HVCN1: variants seen among roughly 807,000 people sequenced by gnomAD.
HVCN1 encodes the protein voltage-gated hydrogen channel 1.
Under a neutral mutation model 29.2 loss-of-function variants are expected in HVCN1, and 14 were observed. The observed-to-expected ratio is 0.48, with a 90% CI of 0.32 to 0.75. HVCN1 has a LOEUF of 0.75. Ranked by LOEUF, HVCN1 falls within the 30% of genes least tolerant of loss-of-function variation. The pLI is 0.04. For synonymous variants in HVCN1, 131 were observed against 133.2 expected, an observed-to-expected ratio of 0.98 and a Z score of 0.11; for missense variants, 263 against 341.8, an observed-to-expected ratio of 0.77 and a Z score of 1.82.
intron 5 of HVCN1, among the ~76,000 whole-genome samples, chr12:110,654,168 C>T (rs1022345678): frequency 2.6e-5 from 4 of 152,094 alleles, no homozygotes; most frequent in Admixed American, 6.6e-5. Context: ...AGTGCAGTGT[C>T]GCACGCCTGT....
chr12:110,669,413 A>G (rs1001038688), intron 3 of HVCN1, among the ~76,000 whole-genome samples: 2 of 152,018 alleles, frequency 1.3e-5, no homozygotes, highest in African/African-American at 4.8e-5. Flanking sequence ...TGCCTTCAGG[A>G]TCGAGTCCCA....
At chr12:110,668,634 G>A (rs536756783) in intron 3 of HVCN1, among the ~76,000 whole-genome samples, 4 of 152,210 alleles carry the variant, frequency 2.6e-5, no homozygotes, top group South Asian at 4.1e-4. Flanking sequence ...TGATACAGCC[G>A]CTTTGTGGCT....
intron 2 of HVCN1, chr12:110,688,354 A>G (rs762553817): frequency 6.6e-6 from 1 of 152,170 alleles, no homozygotes; most frequent in Non-Finnish European, 1.5e-5. Flanking sequence ...TCCACTGAGG[A>G]ACTGCTCTCC....
At chr12:110,681,861 C>T (rs1481913944) in intron 3 of HVCN1, among the ~76,000 whole-genome samples, 1 of 152,078 alleles carries the variant, frequency 6.6e-6, no homozygotes, top group Non-Finnish European at 1.5e-5. Flanking sequence ...TCTTCACAAC[C>T]AATGCCCCCC....
At chr12:110,679,466 G>A (rs969139193) in intron 3 of HVCN1, among the ~76,000 whole-genome samples, 3 of 152,170 alleles carry the variant, frequency 2.0e-5, no homozygotes, top group South Asian at 2.1e-4. Context: ...ATGCAGGCTC[G>A]AGCCAGGCAC....
chr12:110,665,850 T>C (rs2068327697), intron 3 of HVCN1, among the ~76,000 whole-genome samples: 1 of 150,566 alleles, frequency 6.6e-6, no homozygotes. Flanking sequence ...CTACTAAAAA[T>C]ACAAAATTAA....
chr12:110,671,495 C>T (rs2068575999), intron 3 of HVCN1, among the ~76,000 whole-genome samples: 1 of 152,216 alleles, frequency 6.6e-6, no homozygotes, highest in South Asian at 2.1e-4. Flanking sequence ...CTGCCAACAC[C>T]TTGATTTTGG....
chr12:110,683,643 C>G (rs1377782783), intron 2 of HVCN1, among the ~76,000 whole-genome samples: 2 of 152,140 alleles, frequency 1.3e-5, no homozygotes, highest in Non-Finnish European at 2.9e-5. Flanking sequence ...GGTGTGGTGG[C>G]TCACACTTGT....
intron 2 of HVCN1, among the ~76,000 whole-genome samples, chr12:110,685,604 T>C (rs1414527274): frequency 6.6e-6 from 1 of 152,184 alleles, no homozygotes; most frequent in Non-Finnish European, 1.5e-5. Context: ...ATCCTACTAG[T>C]GATGGACATT....
chr12:110,652,364 CTGGG>C (rs1439464533), intron 5 of HVCN1, among the ~76,000 whole-genome samples: 3 of 152,174 alleles, frequency 2.0e-5, no homozygotes, highest in Non-Finnish European at 4.4e-5. Flanking sequence ...GCACTCCAGC[CTGGG>C]TGACAAGTGA....
At chr12:110,683,792 T>G (rs1320110500) in intron 2 of HVCN1, among the ~76,000 whole-genome samples, 4 of 151,348 alleles carry the variant, frequency 2.6e-5, no homozygotes, top group Non-Finnish European at 4.4e-5. Flanking sequence ...GGACCTGTAA[T>G]CCCAGCTACT....
At chr12:110,659,040 G>C (rs1250505280) in intron 4 of HVCN1, among the ~76,000 whole-genome samples, 1 of 152,148 alleles carries the variant, frequency 6.6e-6, no homozygotes, top group South Asian at 2.1e-4. Context: ...GAGGGTTTGG[G>C]ATTTCAAACC....
At chr12:110,679,259 C>G (rs906793409) in intron 3 of HVCN1, among the ~76,000 whole-genome samples, 2 of 152,200 alleles carry the variant, frequency 1.3e-5, no homozygotes, top group Non-Finnish European at 2.9e-5. Context: ...GGGTAAGGAA[C>G]CCCAGTTGCA....
chr12:110,702,976 C>T (rs2069577252), intron 1 of HVCN1, among the ~76,000 whole-genome samples: 1 of 151,922 alleles, frequency 6.6e-6, no homozygotes, highest in Non-Finnish European at 1.5e-5. Flanking sequence ...TTAGTAGAGT[C>T]AGGGTTTCAC....
At chr12:110,697,031 C>T (rs2069504492) in intron 2 of HVCN1, among the ~76,000 whole-genome samples, 1 of 151,742 alleles carries the variant, frequency 6.6e-6, no homozygotes. Flanking sequence ...CTGTGGGTGG[C>T]ATGGACATGT....
chr12:110,679,846 C>T lies in HVCN1; in HGVS notation c.21+3379G>A, dbSNP rs1314226811. On this transcript the variant is annotated intron_variant, in intron 3 of 7. Transcript: ENST00000242607. ...CCGCAGTCCGGCCTGGGCGACAGAG[C>T]GAGACTCCGTCTCAAAAAAAAAAAA... Among the ~76,000 whole-genome samples the T allele has an allele frequency of 4.1e-5, 6 of 146,630 alleles. No homozygotes were observed. In the South Asian group the frequency reaches 1.3e-3, roughly 32 times the overall value.
At chr12:110,699,728 C>T (rs935465756) in intron 2 of HVCN1, among the ~76,000 whole-genome samples, 6 of 152,066 alleles carry the variant, frequency 3.9e-5, no homozygotes, top group Admixed American at 2.0e-4. Flanking sequence ...CCAGGCGCTG[C>T]GCCGGGCACA....
chr12:110,657,518 A>G (rs538807858), intron 4 of HVCN1, among the ~76,000 whole-genome samples: 11 of 152,080 alleles, frequency 7.2e-5, no homozygotes, highest in Admixed American at 7.2e-4. Flanking sequence ...GAAAAAAAAA[A>G]AAAAAGAAAA....
chr12:110,655,322 A>T lies in HVCN1; in HGVS notation c.323T>A (p.Leu108Ter). 1 of 1,613,706 alleles carries T rather than the reference A, an allele frequency of 6.2e-7. No individual in the cohort carries two copies. The highest frequency in any genetic ancestry group is 2.2e-5 in the East Asian group (1 of 44,874). Residue 108 changes from leucine (L) to a stop codon, truncating the protein, a stop_gained, in exon 5 of 8, where the codon TTG becomes TAG. Transcript: ENST00000242607. LOFTEE classifies it high-confidence loss of function. ...SHRFQVIIIC[L>*]VVLDALLVLA... ...CACCAGGAGGGCATCCAGAACCACCAAGCAGATGATGATGACCTGTGGGCC... is the reference window on the plus strand; with the variant it reads ...CACCAGGAGGGCATCCAGAACCACCTAGCAGATGATGATGACCTGTGGGCC...
Sources: gnomAD v4.1 joint callset for allele counts (sites outside exome capture counted in the v4.1 genomes callset) on GRCh38, gnomAD v4.1.1 for gene constraint, MANE v1.5 for transcripts, NCBI Gene and HGNC (gene_info 2026-07-23, HGNC 2026-07-21) for gene names.